The following LOC728743 variants were observed in gnomAD, a reference collection of about 807,000 sequenced individuals.
chr7:150,410,252 A>T, the LOC728743 span: 1 of 398,738 alleles, frequency 2.5e-6, no homozygotes, highest in Non-Finnish European at 4.4e-6. Flanking sequence ...CCTGGCTGGC[A>T]CTGCACCCGG....
chr7:150,406,587 C>T, the LOC728743 span, among the ~76,000 whole-genome samples: 1 of 152,196 alleles, frequency 6.6e-6, no homozygotes, highest in Non-Finnish European at 1.5e-5. Flanking sequence ...CTCACTGAGC[C>T]TCAGTTTCCC....
the LOC728743 span, among the ~76,000 whole-genome samples, chr7:150,402,738 G>A: frequency 1.3e-5 from 2 of 152,210 alleles, no homozygotes; most frequent in East Asian, 1.9e-4. Flanking sequence ...GCCCTGCTGA[G>A]TGAGGAAGCC....
At chr7:150,402,027 G>A in the LOC728743 span, among the ~76,000 whole-genome samples, 4 of 152,178 alleles carry the variant, frequency 2.6e-5, no homozygotes, top group Non-Finnish European at 5.9e-5. Context: ...AGGTCCTTGG[G>A]CAAGTAACTT....
the LOC728743 span, chr7:150,408,046 C>T: frequency 2.5e-6 from 1 of 394,306 alleles, no homozygotes; most frequent in Non-Finnish European, 4.5e-6. Flanking sequence ...ACCAGCGCAC[C>T]CACGCGCGCA....
chr7:150,405,302 C>G, the LOC728743 span: 1 of 152,266 alleles, frequency 6.6e-6, no homozygotes, highest in African/African-American at 2.4e-5. Context: ...ACGGAAGGCT[C>G]GGGAGGCGGC....
At chr7:150,408,369 C>T in the LOC728743 span, 4 of 363,264 alleles carry the variant, frequency 1.1e-5, no homozygotes, top group African/African-American at 8.5e-5. Context: ...AGGTGTGGGC[C>T]GCCGCCAGGC....
chr7:150,403,076 G>A, the LOC728743 span, among the ~76,000 whole-genome samples: 3 of 152,168 alleles, frequency 2.0e-5, no homozygotes, highest in African/African-American at 4.8e-5. The surrounding 1 kb of genome is among the most constrained non-coding windows in gnomAD (Gnocchi z 5.1). Context: ...CAGCCACTGC[G>A]CTGCCTGTAT....
chr7:150,406,465 T>G, the LOC728743 span, among the ~76,000 whole-genome samples: 31 of 151,266 alleles, frequency 2.0e-4, no homozygotes, highest in East Asian at 5.1e-3. Context: ...TTTTGAGGAG[T>G]GTTTAGTTGT....
chr7:150,401,472 T>C, the LOC728743 span, among the ~76,000 whole-genome samples: 3 of 152,314 alleles, frequency 2.0e-5, no homozygotes, highest in South Asian at 6.2e-4. Flanking sequence ...TTTGTTACTT[T>C]TTAGTGGTTT....
the LOC728743 span, chr7:150,410,011 T>TACCA: frequency 2.5e-6 from 1 of 396,568 alleles, no homozygotes; most frequent in African/African-American, 2.1e-5. Context: ...CTTGCAGTGC[T>TACCA]TGGTAGGGGA....
chr7:150,403,223 A>G, the LOC728743 span, among the ~76,000 whole-genome samples: 1 of 152,088 alleles, frequency 6.6e-6, no homozygotes, highest in Non-Finnish European at 1.5e-5. This position sits in a 1 kb window ranked among gnomAD's most constrained non-coding sequence, Gnocchi z 5.1. Flanking sequence ...GCACGAAACT[A>G]GAGAAGTGAA....
At chr7:150,412,219 A>C in the LOC728743 span, 1 of 152,294 alleles carries the variant, frequency 6.6e-6, no homozygotes, top group African/African-American at 2.4e-5. Context: ...TGGGCAGTGC[A>C]CGTGGGGAGA....
the LOC728743 span, chr7:150,411,739 C>T: frequency 6.6e-6 from 1 of 152,374 alleles, no homozygotes; most frequent in Admixed American, 6.5e-5. Context: ...AGCTTCCAGT[C>T]TGGCTCTGAT....
chr7:150,401,602 A>T, the LOC728743 span, among the ~76,000 whole-genome samples: 1 of 152,178 alleles, frequency 6.6e-6, no homozygotes, highest in Non-Finnish European at 1.5e-5. Flanking sequence ...TGAGAGAGGG[A>T]AATGAATGGA....
chr7:150,409,170 T>TG, the LOC728743 span, among the ~76,000 whole-genome samples: 1 of 147,002 alleles, frequency 6.8e-6, no homozygotes, highest in Non-Finnish European at 1.5e-5. Context: ...GTTCAGTGAC[T>TG]GTCTCCAGGT....
At chr7:150,406,121 T>A in the LOC728743 span, among the ~76,000 whole-genome samples, 9 of 152,114 alleles carry the variant, frequency 5.9e-5, no homozygotes, top group Non-Finnish European at 1.2e-4. Context: ...CTCTTGCAAG[T>A]AGGACTTGTC....
the LOC728743 span, chr7:150,408,255 C>T: frequency 2.6e-6 from 1 of 384,064 alleles, no homozygotes. Context: ...ACGGCTGCTT[C>T]CCGCCCCGCA....
At chr7:150,406,182 G>A in the LOC728743 span, among the ~76,000 whole-genome samples, 2 of 152,226 alleles carry the variant, frequency 1.3e-5, no homozygotes, top group African/African-American at 2.4e-5. Flanking sequence ...GGAAGACAGA[G>A]GAGGTGGCCC....
chr7:150,403,642 G>A, the LOC728743 span, among the ~76,000 whole-genome samples: 3 of 152,210 alleles, frequency 2.0e-5, no homozygotes, highest in Admixed American at 2.0e-4. The surrounding 1 kb of genome is among the most constrained non-coding windows in gnomAD (Gnocchi z 5.1). Flanking sequence ...CACTGCATGA[G>A]AACTCAACAT....
Sources: allele counts gnomAD v4.1 joint callset (sites outside exome capture counted in the v4.1 genomes callset), GRCh38; gene constraint gnomAD v4.1.1; non-coding constraint Gnocchi (gnomAD v3.1); transcripts MANE v1.5.